AFF2: variants seen among roughly 807,000 people sequenced by gnomAD.
AFF2 encodes the protein ALF transcription elongation factor 2, also known as AF4/FMR2 family member 2.
In AFF2, 14 loss-of-function variants were observed where a neutral mutation model predicts 76.9. That is an observed-to-expected ratio of 0.18 (90% CI 0.12 to 0.28). AFF2 has a LOEUF of 0.28. Among genes scored for constraint, AFF2 ranks in the 10% least tolerant of loss-of-function variants. AFF2 has a pLI of 1.00. For synonymous variants in AFF2, 398 were observed against 366.7 expected (o/e 1.09, Z -0.98); for missense variants, 868 against 1,001.1 (o/e 0.87, Z 1.79).
intron 3 of AFF2, among the ~76,000 whole-genome samples, chrX:148,732,389 C>T (rs2055232411): frequency 1.3e-5 from 1 of 79,610 alleles, no homozygotes. Context: ...ATCACATGGT[C>T]ACAGGAAGGG....
At chrX:148,719,669 C>T (rs782059497) in intron 3 of AFF2, among the ~76,000 whole-genome samples, 45 of 111,851 alleles carry the variant, frequency 4.0e-4, no homozygotes, top group Non-Finnish European at 6.4e-4. Flanking sequence ...AAACAAACAA[C>T]GATAACAAAA....
chrX:148,654,551 G>A (rs1281537145), intron 2 of AFF2, among the ~76,000 whole-genome samples: 1 of 111,136 alleles, frequency 9.0e-6, no homozygotes, highest in Admixed American at 9.6e-5. Context: ...TTTAGAGATT[G>A]ATGGGAAGCA....
chrX:148,691,349 CTTTCA>C (rs2054649351), intron 3 of AFF2, among the ~76,000 whole-genome samples: 1 of 112,331 alleles, frequency 8.9e-6, no homozygotes, highest in African/African-American at 3.2e-5. Context: ...ATTTTTCCTA[CTTTCA>C]TTTACTTATT....
intron 3 of AFF2, among the ~76,000 whole-genome samples, chrX:148,676,057 ATTT>A (rs59875267): frequency 3.3e-5 from 3 of 91,511 alleles, no homozygotes; most frequent in African/African-American, 8.6e-5. Flanking sequence ...ATGAATTGTG[ATTT>A]TTTTTTTTTT....
intron 3 of AFF2, among the ~76,000 whole-genome samples, chrX:148,704,300 T>TTA (rs782567237): frequency 0.039 from 467 of 11,917 alleles, 79 homozygotes; most frequent in Admixed American, 0.061. Flanking sequence ...ATATATATAT[T>TTA]TATATATATG....
At chrX:148,751,360 G>A (rs1419302705) in intron 3 of AFF2, among the ~76,000 whole-genome samples, 2 of 112,279 alleles carry the variant, frequency 1.8e-5, no homozygotes, top group Non-Finnish European at 3.8e-5. Flanking sequence ...GTATGTGAGA[G>A]CTAGATTATT....
At chrX:148,974,110 G>T (rs1240602584) in intron 16 of AFF2, among the ~76,000 whole-genome samples, 2 of 110,971 alleles carry the variant, frequency 1.8e-5, no homozygotes, top group African/African-American at 6.6e-5. Context: ...TAGATGAGGT[G>T]GTAGTAGGGG....
intron 1 of AFF2, among the ~76,000 whole-genome samples, chrX:148,615,023 C>T (rs1002873033): frequency 4.5e-5 from 5 of 109,987 alleles, no homozygotes; most frequent in Non-Finnish European, 7.6e-5. Context: ...CCAAAGTGAA[C>T]GTAAATTTCT....
chrX:148,563,119 T>A (rs1308343760), intron 1 of AFF2, among the ~76,000 whole-genome samples: 1 of 111,289 alleles, frequency 9.0e-6, no homozygotes, highest in Non-Finnish European at 1.9e-5. Flanking sequence ...CAAAAGGCCC[T>A]GAGGCAGGGA....
At chrX:148,697,983 A>G (rs781799256) in intron 3 of AFF2, among the ~76,000 whole-genome samples, 2 of 112,681 alleles carry the variant, frequency 1.8e-5, no homozygotes, top group Non-Finnish European at 3.7e-5. Context: ...ATATTGATAC[A>G]CTTTTAACAA....
At chrX:148,798,899 A>G (rs1180576025) in intron 3 of AFF2, among the ~76,000 whole-genome samples, 1 of 111,333 alleles carries the variant, frequency 9.0e-6, no homozygotes, top group African/African-American at 3.3e-5. Flanking sequence ...GACACACACT[A>G]TGTCTATTTC....
intron 3 of AFF2, among the ~76,000 whole-genome samples, chrX:148,664,581 C>T (rs999793300): frequency 2.7e-5 from 3 of 111,926 alleles, no homozygotes; most frequent in African/African-American, 3.3e-5. Context: ...TTGGCACCGA[C>T]TCCATTGTAT....
In AFF2 at chrX:148,991,197, G is replaced by T; in HGVS notation, c.3815-14G>T. On this transcript the variant is annotated splice_polypyrimidine_tract_variant and intron_variant, in intron 20 of 20. Coordinates refer to ENST00000370460, the MANE Select transcript of AFF2 (RefSeq NM_002025.4). ...TCATATAAAGGCCTAACTGAGAACT[G>T]CTCTGCTTTTCAGAATTCTTTGGTG... 8.4e-7 allele frequency: 1 copy of T among 1,188,958 alleles called. No homozygotes were observed.
intron 9 of AFF2, among the ~76,000 whole-genome samples, chrX:148,906,168 A>G (rs57536184): frequency 0.034 from 3,848 of 112,229 alleles, 144 homozygotes; most frequent in African/African-American, 0.12. Context: ...AAAACTCCAC[A>G]GCAGGGTTCA....
At chrX:148,582,414 G>A (rs1413520309) in intron 1 of AFF2, among the ~76,000 whole-genome samples, 1 of 111,306 alleles carries the variant, frequency 9.0e-6, no homozygotes, top group Admixed American at 9.6e-5. Flanking sequence ...AAAATAAGAA[G>A]GACATATGAA....
chrX:148,984,451 C>G (rs2072438915), intron 19 of AFF2, among the ~76,000 whole-genome samples: 1 of 112,012 alleles, frequency 8.9e-6, no homozygotes, highest in Admixed American at 9.4e-5. Flanking sequence ...GTGATGAGAG[C>G]TAAGTCAGAG....
At chrX:148,551,448 T>G (rs1280928576) in intron 1 of AFF2, among the ~76,000 whole-genome samples, 2 of 89,891 alleles carry the variant, frequency 2.2e-5, no homozygotes, top group African/African-American at 8.7e-5. Flanking sequence ...ATGGTCCTTC[T>G]CTACTCTAAA....
chrX:148,642,801 G>A (rs1470506831), intron 1 of AFF2, among the ~76,000 whole-genome samples: 1 of 112,260 alleles, frequency 8.9e-6, no homozygotes, highest in Non-Finnish European at 1.9e-5. Flanking sequence ...AGACCTCATC[G>A]ATGACATCAA....
intron 9 of AFF2, among the ~76,000 whole-genome samples, chrX:148,917,410 A>G (rs2071545169): frequency 8.9e-6 from 1 of 112,615 alleles, no homozygotes; most frequent in Admixed American, 9.4e-5. Flanking sequence ...CAAAAACATC[A>G]TGAAGTTAAC....
Sources: gnomAD v4.1 joint callset for allele counts (sites outside exome capture counted in the v4.1 genomes callset) on GRCh38, gnomAD v4.1.1 for gene constraint, MANE v1.5 for transcripts, NCBI Gene and HGNC (gene_info 2026-07-23, HGNC 2026-07-21) for gene names.